IL7R: variants seen among roughly 807,000 people sequenced by gnomAD.
IL7R encodes the protein interleukin 7 receptor.
IL7R carries 38 observed loss-of-function variants against 47.0 expected under a neutral mutation model. That is an observed-to-expected ratio of 0.81 (90% CI 0.62 to 1.06). The LOEUF (loss-of-function observed/expected upper bound fraction) is 1.06. Among genes scored for constraint, IL7R ranks in the 50% least tolerant of loss-of-function variants. The probability of loss-of-function intolerance (pLI) is 0.00; values close to 1 mark genes in which losing one functional copy is unlikely to be tolerated. For synonymous variants in IL7R, 221 were observed against 199.8 expected (o/e 1.11, Z -0.89); for missense variants, 633 against 534.8 (o/e 1.18, Z -1.81).
chr5:35,869,773 G>C (rs1760024969), intron 3 of IL7R, among the ~76,000 whole-genome samples: 1 of 152,126 alleles, frequency 6.6e-6, no homozygotes, highest in African/African-American at 2.4e-5. Context: ...TTCTCTGTTC[G>C]GCTGTTCTCC....
chr5:35,870,441 G>A lies in IL7R; in HGVS notation c.380-615G>A, dbSNP rs76077038. ...CCCTTCATGTCACTGTAGCTGAGAC[G>A]AGGTGCAAGGTTCACAGCATATAAC... is the stretch of plus-strand genomic sequence containing the variant. On this transcript the variant is annotated intron_variant, in intron 3 of 7. Coordinates refer to ENST00000303115, the MANE Select transcript of IL7R (RefSeq NM_002185.5). Among the ~76,000 whole-genome samples, 969 of 152,310 alleles carry A rather than the reference G, an allele frequency of 6.4e-3. 16 individuals are homozygous for A. The highest frequency in any genetic ancestry group is 0.056 in the East Asian group (288 of 5,178).
rs768760071 is a variant in IL7R at position 35,871,081 on chromosome 5, G to C, written c.405G>C (p.Leu135=). The change falls in exon 4 of 8, where the codon CTG becomes CTC. Residue 135 remains leucine (L), a synonymous_variant. Coordinates refer to ENST00000303115, the MANE Select transcript of IL7R (RefSeq NM_002185.5). ...TTAAACCTGAGGCTCCTTTTGACCT[G>C]AGTGTCGTCTATCGGGAAGGAGCCA... The part of the protein sequence containing the change: ...TIVKPEAPFD[L]SVVYREGAND... The C allele has an allele frequency of 1.2e-6, 2 of 1,612,990 alleles. No individual in the cohort carries two copies. The highest frequency in any genetic ancestry group is 1.7e-6 in the Non-Finnish European group (2 of 1,178,992).
chr5:35,876,681 T>C lies in IL7R; in HGVS notation c.*195T>C. The C allele has an allele frequency of 1.6e-6, 1 of 638,982 alleles. No homozygotes were observed. The highest frequency in any genetic ancestry group is 2.8e-6 in the Non-Finnish European group (1 of 360,028). The allele number at this position is 638,982 out of a possible 1,614,324, so 39.6% of individuals were successfully genotyped here. On this transcript the variant is annotated 3_prime_UTR_variant, in exon 8 of 8. Coordinates refer to ENST00000303115, the MANE Select transcript of IL7R (RefSeq NM_002185.5). ...TGGCACTCAACATGAGTCAAGAGCA[T>C]CCTGCTTCTACCATGTGGATTTGGT...
chr5:35,862,704 A>G (rs1220420995), intron 2 of IL7R, among the ~76,000 whole-genome samples: 1 of 152,124 alleles, frequency 6.6e-6, no homozygotes, highest in East Asian at 1.9e-4. Flanking sequence ...CATGGGAATG[A>G]GCTGAGAATA....
intron 1 of IL7R, among the ~76,000 whole-genome samples, chr5:35,859,934 A>C (rs1759756263): frequency 8.2e-6 from 1 of 122,180 alleles, no homozygotes; most frequent in South Asian, 2.4e-4. Flanking sequence ...ATATTTTCTG[A>C]CATATTTATT....
intron 4 of IL7R, among the ~76,000 whole-genome samples, chr5:35,872,926 T>C (rs928979036): frequency 1.4e-4 from 21 of 152,020 alleles, no homozygotes; most frequent in African/African-American, 5.1e-4. Context: ...ATGGAATAGA[T>C]AAATTCAATA....
chr5:35,873,536 A>C lies in IL7R; in HGVS notation c.594A>C (p.Ala198=), dbSNP rs191457074. Residue 198 remains alanine (A), a synonymous_variant, in exon 5 of 8, where the codon GCA becomes GCC. Coordinates refer to ENST00000303115, the MANE Select transcript of IL7R (RefSeq NM_002185.5). ...LTLLQRKLQP[A]AMYEIKVRSI... The stretch of plus-strand genomic sequence containing the variant: ...TCCTGCAGAGAAAGCTCCAACCGGC[A>C]GCAATGTATGAGATTAAAGTTCGAT... 2 of 1,614,088 alleles carry C rather than the reference A, an allele frequency of 1.2e-6. No individual in the cohort carries two copies. Among genetic ancestry groups the C allele is most frequent in the African/African-American group, 2.7e-5 (2 of 75,050 alleles).
At chr5:35,864,658 A>G (rs1759895454) in intron 2 of IL7R, among the ~76,000 whole-genome samples, 2 of 151,848 alleles carry the variant, frequency 1.3e-5, no homozygotes, top group African/African-American at 4.8e-5. Context: ...GCACTGAGTT[A>G]TTTGTCCTTT....
Position 35,875,521 on chromosome 5 carries a change from T to A in IL7R, c.810T>A (p.Pro270=). 6.2e-7 allele frequency: 1 copy of A among 1,611,366 alleles called. No individual in the cohort carries two copies. Among genetic ancestry groups the A allele is most frequent in the Non-Finnish European group, 8.5e-7 (1 of 1,177,504 alleles). ...TGTTCTCTGATTTCAGGATTAAGCC[T>A]ATCGTATGGCCCAGTCTCCCCGATC... is the stretch of plus-strand genomic sequence containing the variant. ...ACVLWKKRIK[P]IVWPSLPDHK... The change falls in exon 7 of 8, where the codon CCT becomes CCA. Residue 270 remains proline, a synonymous_variant. Transcript: ENST00000303115.
Position 35,879,543 on chromosome 5 carries a change from A to G in IL7R, c.*3057A>G, listed in dbSNP as rs1760301042. On this transcript the variant is annotated 3_prime_UTR_variant, in exon 8 of 8. Coordinates refer to ENST00000303115, the MANE Select transcript of IL7R (RefSeq NM_002185.5). ...CAAACATTTCGCAGAGCTGCTTAGT[A>G]TATAAGCGTACAATGTATGTAATAA... 2 of 227,878 alleles carry G rather than the reference A, an allele frequency of 8.8e-6. No homozygotes were observed. Among genetic ancestry groups the G allele is most frequent in the African/African-American group, 4.4e-5 (2 of 45,040 alleles). 14.1% of individuals were successfully genotyped at this position (227,878 alleles called of 1,614,324 possible).
intron 2 of IL7R, among the ~76,000 whole-genome samples, chr5:35,864,432 A>G (rs1335041667): frequency 2.6e-5 from 4 of 152,178 alleles, no homozygotes; most frequent in Non-Finnish European, 4.4e-5. Context: ...GCATGTATCT[A>G]AGTTTATAAG....
chr5:35,876,149 A>G lies in IL7R; in HGVS notation c.1043A>G (p.Asn348Ser), dbSNP rs41270321. 43 of 1,614,018 alleles carry G rather than the reference A, an allele frequency of 2.7e-5. No individual in the cohort carries two copies. The South Asian group carries it at 3.1e-4, about 12-fold the overall frequency. The change falls in exon 8 of 8, where the codon AAC becomes AGC. Residue 348 changes from asparagine (N) to serine (S), a missense_variant. Coordinates refer to ENST00000303115, the MANE Select transcript of IL7R (RefSeq NM_002185.5). ...QRLGGDVQSPNCPSEDVVITP... is the reference protein window; with the variant it reads ...QRLGGDVQSPSCPSEDVVITP... ...CTTGGAGGGGATGTGCAGAGCCCCA[A>G]CTGCCCATCTGAGGATGTAGTCATC...
intron 4 of IL7R, among the ~76,000 whole-genome samples, chr5:35,871,881 G>T (rs1760082147): frequency 2.0e-5 from 3 of 152,072 alleles, no homozygotes; most frequent in Admixed American, 2.0e-4. Context: ...TGTTCTTTCT[G>T]CACCTCAGAG....
chr5:35,873,524 G>C lies in IL7R; in HGVS notation c.582G>C (p.Lys194Asn). 6.2e-7 allele frequency: 1 copy of C among 1,614,044 alleles called. No individual in the cohort carries two copies. Among genetic ancestry groups the C allele is most frequent in the Non-Finnish European group, 8.5e-7 (1 of 1,179,942 alleles). ...SSTKLTLLQR[K>N]LQPAAMYEIK... ...CAAAGCTGACACTCCTGCAGAGAAAGCTCCAACCGGCAGCAATGTATGAGA... is the reference window on the plus strand; with the variant it reads ...CAAAGCTGACACTCCTGCAGAGAAACCTCCAACCGGCAGCAATGTATGAGA... The change falls in exon 5 of 8, where the codon AAG becomes AAC. Residue 194 changes from lysine to asparagine, a missense_variant. Lys to Asn is a moderately conservative substitution (Grantham distance 94). Transcript: ENST00000303115.
chr5:35,870,618 A>G (rs1222322168), intron 3 of IL7R, among the ~76,000 whole-genome samples: 1 of 152,214 alleles, frequency 6.6e-6, no homozygotes, highest in African/African-American at 2.4e-5. Context: ...CCCCAAACAT[A>G]TGATATCTCA....
Position 35,875,708 on chromosome 5 carries a change from G to T in IL7R, c.876+121G>T, listed in dbSNP as rs549277843. The T allele has an allele frequency of 7.5e-5, 64 of 856,224 alleles. No individual in the cohort carries two copies. In the South Asian group the frequency reaches 8.9e-4, roughly 12 times the overall value. The allele number at this position is 856,224 out of a possible 1,614,324, so 53.0% of individuals were successfully genotyped here. ...TGGTATTTGATTCATCCTGTAACTA[G>T]GGTCCCTCCTAAGACCCTAGCTGCA... is the stretch of plus-strand genomic sequence containing the variant. On this transcript the variant is annotated intron_variant, in intron 7 of 7. Coordinates refer to ENST00000303115, the MANE Select transcript of IL7R (RefSeq NM_002185.5).
At chr5:35,870,328 A>G (rs908580891) in intron 3 of IL7R, among the ~76,000 whole-genome samples, 3 of 152,240 alleles carry the variant, frequency 2.0e-5, no homozygotes, top group African/African-American at 7.2e-5. Flanking sequence ...GAGAGGCCCA[A>G]GAGGAATTCA....
At chr5:35,870,956 A>C in intron 3 of IL7R, 100 bp from the exon 4 acceptor site, 4 of 1,072,352 alleles carry the variant, frequency 3.7e-6, no homozygotes, top group Non-Finnish European at 4.3e-6. Context: ...TTACTGACAC[A>C]AAAAGGGTCA....
rs1759914740 is a variant in IL7R at position 35,865,329 on chromosome 5, T to A, written c.222-1977T>A. Among the ~76,000 whole-genome samples the A allele has an allele frequency of 2.6e-5, 4 of 152,228 alleles. 1 individual carries two copies. The South Asian group carries it at 8.3e-4, about 31-fold the overall frequency. On this transcript the variant is annotated intron_variant, in intron 2 of 7. Transcript: ENST00000303115. ...GCTGCATAGTATTCCATGGTGTATA[T>A]GTGCCACATTTTCTTAATCCAGTCT...
Sources: gnomAD v4.1 joint callset for allele counts (sites outside exome capture counted in the v4.1 genomes callset) on GRCh38, gnomAD v4.1.1 for gene constraint, MANE v1.5 for transcripts, NCBI Gene and HGNC (gene_info 2026-07-23, HGNC 2026-07-21) for gene names.